The following ZNF397 variants were observed in gnomAD, a reference collection of about 807,000 sequenced individuals.
ZNF397 encodes the protein zinc finger and SCAN domain-containing protein 15.
In ZNF397, 38 loss-of-function variants were observed where a neutral mutation model predicts 50.6. The observed-to-expected ratio is 0.75, with a 90% CI of 0.58 to 0.98. The LOEUF is 0.98. Ranked by LOEUF, ZNF397 falls within the 50% of genes least tolerant of loss-of-function variation. The pLI is 0.00. For synonymous variants in ZNF397, 228 were observed against 215.2 expected, an observed-to-expected ratio of 1.06 and a Z score of -0.52; for missense variants, 624 against 624.1, an observed-to-expected ratio of 1.00 and a Z score of 0.00.
chr18:35,253,608 A>G (rs1254645803), downstream of ZNF397: 14 of 1,613,970 alleles, frequency 8.7e-6, no homozygotes, highest in South Asian at 7.7e-5. Context: ...CATTCATTAC[A>G]TTCATAAGGT....
chr18:35,245,157 CAG>C, intron 3 of ZNF397, 103 bp from the exon 4 acceptor site: 1 of 1,393,860 alleles, frequency 7.2e-7, no homozygotes, highest in Non-Finnish European at 9.5e-7. Flanking sequence ...TACTGGAGGA[CAG>C]TGACATCTTT....
chr18:35,258,869 CAAAAAAAAAAAAAAAAA>C (rs71166053), downstream of ZNF397: 15 of 30,646 alleles, frequency 4.9e-4, no homozygotes, highest in Middle Eastern at 0.014. Flanking sequence ...GACTCCATCT[CAAAAAAAAAAAAAAAAA>C]AAAAAAAAAA....
chr18:35,244,663 A>G (rs1027076783), intron 3 of ZNF397, among the ~76,000 whole-genome samples: 11 of 152,110 alleles, frequency 7.2e-5, no homozygotes, highest in Admixed American at 1.3e-4. Flanking sequence ...CTCAGTGTCA[A>G]TGCTACAGAG....
Position 35,245,515 on chromosome 18 carries a change from A to G in ZNF397, c.810A>G (p.Thr270=). 1 of 1,552,456 alleles carries G rather than the reference A, an allele frequency of 6.4e-7. No homozygotes were observed. The highest frequency in any genetic ancestry group is 1.7e-4 in the Middle Eastern group (1 of 5,998). Residue 270 remains threonine, a synonymous_variant, in exon 4 of 4, where the codon ACA becomes ACG. Transcript: ENST00000330501. The part of the protein sequence containing the change: ...DEAERCLILT[T]DSIMCQKVPP... ...CTGAAAGATGCTTGATTCTAACTAC[A>G]GACTCTATAATGTGTCAGAAAGTTC...
At chr18:35,258,046 C>T in exon 6 of ZNF397, 1 of 776,892 alleles carries the variant, frequency 1.3e-6, no homozygotes, top group Non-Finnish European at 2.4e-6. Context: ...ACTTATAACT[C>T]AAGGTTGTAA....
chr18:35,250,127 G>T (rs578099692), downstream of ZNF397, among the ~76,000 whole-genome samples: 1 of 152,134 alleles, frequency 6.6e-6, no homozygotes, highest in East Asian at 1.9e-4. Context: ...ATAAATCTGG[G>T]TGCAAAAGGA....
At position 35,246,472 on chromosome 18, in the gene ZNF397, C is replaced by T; in HGVS notation, c.*162C>T. 3 of 1,416,278 alleles carry T rather than the reference C, an allele frequency of 2.1e-6. No homozygotes were observed. The highest frequency in any genetic ancestry group is 2.8e-6 in the Non-Finnish European group (3 of 1,088,774). 87.7% of individuals were successfully genotyped at this position (1,416,278 alleles called of 1,614,324 possible). On this transcript the variant is annotated 3_prime_UTR_variant, in exon 4 of 4. Transcript: ENST00000330501. ...TTCCCAGTGCTAATGTAAAGTGTCCCTTGAAAGCTTTTCCTGTGACTAATC... is the reference window on the plus strand; with the variant it reads ...TTCCCAGTGCTAATGTAAAGTGTCCTTTGAAAGCTTTTCCTGTGACTAATC...
In ZNF397 at chr18:35,246,312, TTGTGAATAC is replaced by T. The variant is rs1363747516; in HGVS notation, c.*11_*19del. On this transcript the variant is annotated 3_prime_UTR_variant, in exon 4 of 4. Transcript: ENST00000330501. ...CAAAGAGTCCACACTATAAAGTAAT[TTGTGAATAC>T]TGTGAATAGTGTAAATACTTCAGTC... is the stretch of plus-strand genomic sequence containing the variant. The T allele has an allele frequency of 9.2e-6, 14 of 1,526,550 alleles. No individual in the cohort carries two copies. Among genetic ancestry groups the T allele is most frequent in the East Asian group, 2.5e-5 (1 of 40,770 alleles). The allele number at this position is 1,526,550 out of a possible 1,614,324, so 94.6% of individuals were successfully genotyped here.
intron 3 of ZNF397, chr18:35,243,633 A>G (rs1485835144): frequency 9.1e-6 from 5 of 550,928 alleles, no homozygotes; most frequent in African/African-American, 1.9e-5. Context: ...ATTATAGAAT[A>G]TAAGTAGGCA....
In ZNF397 at chr18:35,245,247, T is replaced by A. The variant is rs1380993582; in HGVS notation, c.557-15T>A. ...AGAAATGTAATATCTGTTTTTTTGC[T>A]ACTTATTGTTTCAGATTGTGAGAAC... On this transcript the variant is annotated splice_polypyrimidine_tract_variant and intron_variant, in intron 3 of 3. Coordinates refer to ENST00000330501, the MANE Select transcript of ZNF397 (RefSeq NM_001135178.3). 1 of 1,565,936 alleles carries A rather than the reference T, an allele frequency of 6.4e-7. No individual in the cohort carries two copies. The highest frequency in any genetic ancestry group is 1.2e-5 in the South Asian group (1 of 84,100).
At position 35,246,023 on chromosome 18, in the gene ZNF397, C is replaced by G; in HGVS notation, c.1318C>G (p.Leu440Val). The G allele has an allele frequency of 6.4e-7, 1 of 1,570,128 alleles. No homozygotes were observed. Among genetic ancestry groups the G allele is most frequent in the Non-Finnish European group, 8.6e-7 (1 of 1,157,600 alleles). ...CGKAFRQSSE[L>V]ITHQRIHSGE... The stretch of plus-strand genomic sequence containing the variant: ...AAAAGCTTTCAGGCAGAGCTCAGAG[C>G]TGATTACTCATCAGAGAATACATAG... Residue 440 changes from leucine to valine, a missense_variant, in exon 4 of 4, where the codon CTG becomes GTG. By Grantham distance (32) the Leu-to-Val change is conservative. Transcript: ENST00000330501.
At position 35,247,658 on chromosome 18, in the gene ZNF397, CT is replaced by C. The variant is rs1317102124; in HGVS notation, c.*1352del. ...TTATGTCACCAGTATTTCACAATAT[CT>C]TTTGCAATTTTTTTTTTTTTTTTTT... On this transcript the variant is annotated 3_prime_UTR_variant, in exon 4 of 4. Coordinates refer to ENST00000330501, the MANE Select transcript of ZNF397 (RefSeq NM_001135178.3). The C allele has an allele frequency of 9.1e-6, 1 of 109,680 alleles. No individual in the cohort carries two copies. Among genetic ancestry groups the C allele is most frequent in the Non-Finnish European group, 1.9e-5 (1 of 52,686 alleles). 6.8% of individuals were successfully genotyped at this position (109,680 alleles called of 1,614,324 possible).
At chr18:35,243,588 G>T (rs1377296495) in intron 3 of ZNF397, 4 of 599,210 alleles carry the variant, frequency 6.7e-6, no homozygotes, top group Non-Finnish European at 1.2e-5. Flanking sequence ...CTAGGTGGGT[G>T]ATGGACAAAT....
At chr18:35,250,723 G>A (rs1333554728), downstream of ZNF397, among the ~76,000 whole-genome samples, 1 of 152,168 alleles carries the variant, frequency 6.6e-6, no homozygotes, top group African/African-American at 2.4e-5. Flanking sequence ...AATTAGTGTT[G>A]AAGATTCCAG....
chr18:35,257,342 A>G (rs2043865358), intron 5 of ZNF397: 2 of 152,746 alleles, frequency 1.3e-5, no homozygotes, highest in Non-Finnish European at 2.9e-5. Context: ...TGGCTCCTCC[A>G]ATGATGTGAA....
chr18:35,250,435 T>C (rs759570361), downstream of ZNF397, among the ~76,000 whole-genome samples: 7 of 152,262 alleles, frequency 4.6e-5, no homozygotes, highest in Non-Finnish European at 7.3e-5. Flanking sequence ...AGGGCTGTCC[T>C]GTTTCTCTTG....
rs2043508055 is a variant in ZNF397, at chr18:35,247,849, T to G, written c.*1539T>G. 1 of 152,104 alleles carries G rather than the reference T, an allele frequency of 6.6e-6. No individual in the cohort carries two copies. 9.4% of individuals were successfully genotyped at this position (152,104 alleles called of 1,614,324 possible). A position where few individuals can be genotyped will look rare whatever the true frequency, so the allele number is the denominator to read the frequency against. On this transcript the variant is annotated 3_prime_UTR_variant, in exon 4 of 4. Transcript: ENST00000330501. The stretch of plus-strand genomic sequence containing the variant: ...CCACAGCTGGCTAATTTTGTATTTT[T>G]AGGAAAGACAGGGTTTCTCCATGTT...
chr18:35,244,766 C>T (rs369442752), intron 3 of ZNF397, among the ~76,000 whole-genome samples: 2 of 4,000 alleles, frequency 5.0e-4, no homozygotes, highest in Admixed American at 7.3e-3. Flanking sequence ...GGGGACGGGG[C>T]GGTGGGGGGC....
chr18:35,257,347 T>C (rs1265256015), intron 5 of ZNF397: 1 of 152,820 alleles, frequency 6.5e-6, no homozygotes, highest in Non-Finnish European at 1.5e-5. Context: ...CCTCCAATGA[T>C]GTGAATGTCT....
Sources: allele counts gnomAD v4.1 joint callset (sites outside exome capture counted in the v4.1 genomes callset), GRCh38; gene constraint gnomAD v4.1.1; transcripts MANE v1.5; gene names NCBI Gene and HGNC (gene_info 2026-07-23, HGNC 2026-07-21).